Variants in GPR84 observed in about 807,000 individuals in gnomAD.
GPR84 encodes G protein-coupled receptor 84.
GPR84 carries 8 observed loss-of-function variants against 14.9 expected under a neutral mutation model. The observed-to-expected ratio is 0.54, with a 90% confidence interval of 0.31 to 0.97. GPR84 has a LOEUF of 0.97. Ranked by LOEUF, GPR84 falls within the 50% of genes least tolerant of loss-of-function variation. The pLI is 0.04. For synonymous variants in GPR84, 164 were observed against 198.1 expected (o/e 0.83, Z 1.45); for missense variants, 424 against 498.7 (o/e 0.85, Z 1.43).
chr12:54,350,736 A>G, the GPR84 span: 9 of 592,406 alleles, frequency 1.5e-5, no homozygotes, highest in East Asian at 2.5e-4. Context: ...TAAAGCTCCC[A>G]GCATATTTAG....
At position 54,363,729 on chromosome 12, in the gene GPR84, G is replaced by T; in HGVS notation, c.123C>A (p.Thr41=). Residue 41 remains threonine (T), a synonymous_variant, in exon 2 of 2, where the codon ACC becomes ACA. Coordinates refer to ENST00000267015, the MANE Select transcript of GPR84 (RefSeq NM_020370.3). ...TGGGCTGGATGGCCAAGGCCAGTAGGGTGAGCACATTGCCCACGGTGCCTG... is the reference window on the plus strand; with the variant it reads ...TGGGCTGGATGGCCAAGGCCAGTAGTGTGAGCACATTGCCCACGGTGCCTG... The part of the protein sequence containing the change: ...AVTGTVGNVL[T]LLALAIQPKL... The T allele has an allele frequency of 6.2e-7, 1 of 1,613,950 alleles. No individual in the cohort carries two copies. The highest frequency in any genetic ancestry group is 1.1e-5 in the South Asian group (1 of 91,068).
the GPR84 span, chr12:54,351,879 T>C: frequency 6.6e-6 from 1 of 152,304 alleles, no homozygotes; most frequent in East Asian, 1.9e-4. Context: ...TTTCTCTTCC[T>C]CTCTTTTTGG....
rs574443740 is a variant in GPR84, at chr12:54,362,897, G to A, written c.955C>T (p.Arg319Ter). The change falls in exon 2 of 2, where the codon CGA (arginine) becomes TGA (stop). Residue 319 changes from arginine to a stop codon, truncating the protein, a stop_gained. Coordinates refer to ENST00000267015, the MANE Select transcript of GPR84 (RefSeq NM_020370.3). LOFTEE classifies it high-confidence loss of function. This position sits in a 1 kb window ranked among gnomAD's most constrained non-coding sequence, Gnocchi z 4.0. The stretch of plus-strand genomic sequence containing the variant: ...CAGAGGAACACAGCAAAACACATTC[G>A]AGTCACCTTCCCAAATTCCGATGAA... ...DSSSEFGKVTRMCFAVFLCFA... is the reference protein window; with the variant it reads ...DSSSEFGKVT The A allele has an allele frequency of 1.9e-6, 3 of 1,614,200 alleles. No homozygotes were observed. The East Asian group carries it at 6.7e-5, about 36-fold the overall frequency.
At chr12:54,364,307 A>G (rs1592219999) in intron 1 of GPR84, 86 bp downstream of exon 1, 3 of 154,796 alleles carry the variant, frequency 1.9e-5, no homozygotes, top group African/African-American at 4.8e-5. Context: ...ACACACACAT[A>G]TAGGCTTTAG....
At position 54,362,680 on chromosome 12, in the gene GPR84, C is replaced by G; in HGVS notation, c.1172G>C (p.Ser391Thr). The G allele has an allele frequency of 6.2e-7, 1 of 1,609,038 alleles. No homozygotes were observed. The part of the protein sequence containing the change: ...YGSILKRGPR[S>T]FHRLH ...ACAGTTCTAATGGAGCCTATGGAAACTCCGGGGCCCTCTTTTTAAAATGGA... is the reference window on the plus strand; with the variant it reads ...ACAGTTCTAATGGAGCCTATGGAAAGTCCGGGGCCCTCTTTTTAAAATGGA... The change falls in exon 2 of 2, where the codon AGT (serine) becomes ACT (threonine). Residue 391 changes from serine to threonine, a missense_variant. By Grantham distance (58) the Ser-to-Thr change is moderately conservative (BLOSUM62 1). Transcript: ENST00000267015. The surrounding 1 kb of genome is among the most constrained non-coding windows in gnomAD (Gnocchi z 4.0).
At chr12:54,361,118 G>T (rs979512893), downstream of GPR84, among the ~76,000 whole-genome samples, 4 of 152,070 alleles carry the variant, frequency 2.6e-5, no homozygotes, top group African/African-American at 4.8e-5. This position sits in a 1 kb window ranked among gnomAD's most constrained non-coding sequence, Gnocchi z 4.3. Context: ...GGAATGGTAT[G>T]GTTTCCTAGC....
At chr12:54,354,114 T>C in the GPR84 span, among the ~76,000 whole-genome samples, 1 of 151,178 alleles carries the variant, frequency 6.6e-6, no homozygotes, top group African/African-American at 2.4e-5. Context: ...CTTTTCTCTT[T>C]TCTTTTTTTT....
downstream of GPR84, among the ~76,000 whole-genome samples, chr12:54,361,456 C>T (rs1954268250): frequency 1.3e-5 from 2 of 151,974 alleles, no homozygotes; most frequent in Admixed American, 1.3e-4. The surrounding 1 kb of genome is among the most constrained non-coding windows in gnomAD (Gnocchi z 4.3). Flanking sequence ...CTGTACCCTC[C>T]ACCTCCCGGG....
chr12:54,362,195 C>A (rs952648167), downstream of GPR84, among the ~76,000 whole-genome samples: 3 of 152,200 alleles, frequency 2.0e-5, no homozygotes, highest in African/African-American at 7.2e-5. This position sits in a 1 kb window ranked among gnomAD's most constrained non-coding sequence, Gnocchi z 4.0. Context: ...TACCTAGAAA[C>A]CCCTCTTCTA....
downstream of GPR84, among the ~76,000 whole-genome samples, chr12:54,358,314 G>A (rs1954229864): frequency 6.6e-6 from 1 of 152,090 alleles, no homozygotes. Context: ...CCTTGCAGAC[G>A]CCAATGGGTC....
chr12:54,362,543 G>C lies in GPR84; in HGVS notation c.*118C>G. ...GTGATGGAGAGACTTGATTTGGGAG[G>C]CTGGGGAGAGATTGTTGTGAAAATG... On this transcript the variant is annotated 3_prime_UTR_variant, in exon 2 of 2. Transcript: ENST00000267015. The surrounding 1 kb of genome is among the most constrained non-coding windows in gnomAD (Gnocchi z 4.0). 1 of 695,916 alleles carries C rather than the reference G, an allele frequency of 1.4e-6. No homozygotes were observed. Among genetic ancestry groups the C allele is most frequent in the Middle Eastern group, 4.2e-4 (1 of 2,398 alleles). 43.1% of individuals were successfully genotyped at this position (695,916 alleles called of 1,614,324 possible).
At chr12:54,351,634 C>G in the GPR84 span, 2 of 152,192 alleles carry the variant, frequency 1.3e-5, no homozygotes. Context: ...CCCCTTGACC[C>G]AGAACTTCCT....
downstream of GPR84, among the ~76,000 whole-genome samples, chr12:54,359,930 G>GT (rs1259894277): frequency 0.021 from 3,016 of 144,718 alleles, 102 homozygotes; most frequent in African/African-American, 0.072. Flanking sequence ...TGTCTCCTGA[G>GT]TTTTTTTTTT....
Position 54,363,223 on chromosome 12 carries a change from T to A in GPR84, c.629A>T (p.Gln210Leu). 1 of 1,614,244 alleles carries A rather than the reference T, an allele frequency of 6.2e-7. No homozygotes were observed. The highest frequency in any genetic ancestry group is 8.5e-7 in the Non-Finnish European group (1 of 1,180,042). The change falls in exon 2 of 2, where the codon CAG (glutamine) becomes CTG (leucine). Residue 210 changes from glutamine to leucine, a missense_variant. Transcript: ENST00000267015. Reference sequence around the variant, plus strand: ...TCGCAACTTGTATTGGTCCAGTGCCTGTGCTGCTCGTTTGACCTGGCGGTG... The same window carrying A: ...TCGCAACTTGTATTGGTCCAGTGCCAGTGCTGCTCGTTTGACCTGGCGGTG... ...LIHRQVKRAA[Q>L]ALDQYKLRQA... is the part of the protein sequence containing the mutation.
Position 54,363,237 on chromosome 12 carries a change from G to C in GPR84, c.615C>G (p.Val205=). 6.2e-7 allele frequency: 1 copy of C among 1,614,190 alleles called. No individual in the cohort carries two copies. The highest frequency in any genetic ancestry group is 8.5e-7 in the Non-Finnish European group (1 of 1,180,030). The change falls in exon 2 of 2, where the codon GTC becomes GTG. Residue 205 remains valine (V), a synonymous_variant. Transcript: ENST00000267015. ...GIFYCLIHRQ[V]KRAAQALDQY... ...GGTCCAGTGCCTGTGCTGCTCGTTT[G>C]ACCTGGCGGTGGATGAGGCAATAGA...
At chr12:54,352,346 T>A in the GPR84 span, among the ~76,000 whole-genome samples, 1 of 152,024 alleles carries the variant, frequency 6.6e-6, no homozygotes. Flanking sequence ...CCCCTCCCCC[T>A]CCTCCACCTT....
chr12:54,362,856 G>A lies in GPR84; in HGVS notation c.996C>T (p.Tyr332=), dbSNP rs760413885. ...GAATGTTGAGCAGCAAGAAGGGGATGTAGCTCAGGGCAAAGCAGAGGAACA... is the reference window on the plus strand; with the variant it reads ...GAATGTTGAGCAGCAAGAAGGGGATATAGCTCAGGGCAAAGCAGAGGAACA... ...FAVFLCFALS[Y]IPFLLLNILD... The change falls in exon 2 of 2, where the codon TAC becomes TAT. Residue 332 remains tyrosine (Y), a synonymous_variant. Transcript: ENST00000267015. This position sits in a 1 kb window ranked among gnomAD's most constrained non-coding sequence, Gnocchi z 4.0. The A allele has an allele frequency of 8.1e-6, 13 of 1,614,130 alleles. No homozygotes were observed. Among genetic ancestry groups the A allele is most frequent in the South Asian group, 3.3e-5 (3 of 91,090 alleles).
the GPR84 span, among the ~76,000 whole-genome samples, chr12:54,352,694 A>C: frequency 2.6e-5 from 4 of 152,176 alleles, no homozygotes; most frequent in Non-Finnish European, 5.9e-5. Flanking sequence ...TCTCTCCAGC[A>C]TCAGAACATG....
downstream of GPR84, among the ~76,000 whole-genome samples, chr12:54,361,883 A>G (rs558745723): frequency 6.6e-6 from 1 of 152,360 alleles, no homozygotes; most frequent in African/African-American, 2.4e-5. The surrounding 1 kb of genome is among the most constrained non-coding windows in gnomAD (Gnocchi z 4.3). Context: ...AATTAGCCCC[A>G]TGGGCAGGAC....
Sources: gnomAD v4.1 joint callset for allele counts (sites outside exome capture counted in the v4.1 genomes callset) on GRCh38, gnomAD v4.1.1 for gene constraint, Gnocchi (gnomAD v3.1) non-coding constraint, MANE v1.5 for transcripts, NCBI Gene and HGNC (gene_info 2026-07-23, HGNC 2026-07-21) for gene names.